Variants in FAM227A observed in about 807,000 individuals in gnomAD.
FAM227A encodes protein FAM227A.
Under a neutral mutation model 74.7 loss-of-function variants are expected in FAM227A, and 80 were observed. The ratio of observed to expected loss-of-function variants is 1.07; its 90% CI spans 0.89 to 1.29. The LOEUF is 1.29. Ranked by LOEUF, FAM227A falls within the 50% of genes most tolerant of loss-of-function variation. FAM227A has a pLI of 0.00. For synonymous variants in FAM227A, 237 were observed against 241.8 expected (o/e 0.98, Z 0.19); for missense variants, 654 against 683.4 (o/e 0.96, Z 0.48).
intron 1 of FAM227A, among the ~76,000 whole-genome samples, chr22:38,650,971 T>C (rs2092313832): frequency 6.6e-6 from 1 of 152,188 alleles, no homozygotes; most frequent in Admixed American, 6.6e-5. Flanking sequence ...GAGAAAACGT[T>C]GAGTTTGGTG....
chr22:38,645,790 T>C, intron 2 of FAM227A, 145 bp from the exon 3 acceptor site: 2 of 597,934 alleles, frequency 3.3e-6, no homozygotes, highest in South Asian at 2.2e-5. Context: ...CACATTTCTT[T>C]CTTCCTTTTT....
At chr22:38,590,866 C>T (rs886356108) in intron 16 of FAM227A, among the ~76,000 whole-genome samples, 2 of 152,004 alleles carry the variant, frequency 1.3e-5, no homozygotes, top group Non-Finnish European at 2.9e-5. Flanking sequence ...CTCACTGCAA[C>T]CTCCAGCTCC....
chr22:38,625,107 C>G (rs1236742646), intron 9 of FAM227A, among the ~76,000 whole-genome samples: 1 of 152,042 alleles, frequency 6.6e-6, no homozygotes, highest in African/African-American at 2.4e-5. Flanking sequence ...AAGCAGACAT[C>G]TGCCGGGTAT....
chr22:38,612,747 T>G (rs374088521), intron 11 of FAM227A, among the ~76,000 whole-genome samples: 24 of 152,040 alleles, frequency 1.6e-4, no homozygotes, highest in African/African-American at 5.8e-4. Flanking sequence ...CAACTGGTTT[T>G]TCAAGGAGTA....
At chr22:38,591,177 A>T (rs1342099344) in intron 16 of FAM227A, among the ~76,000 whole-genome samples, 1 of 152,094 alleles carries the variant, frequency 6.6e-6, no homozygotes, top group African/African-American at 2.4e-5. Flanking sequence ...ATAAAAAATG[A>T]GCTGGGCATG....
Position 38,618,145 on chromosome 22 carries a change from G to T in FAM227A, c.1038+2067C>A, listed in dbSNP as rs560901654. 2.0e-5 allele frequency among the ~76,000 whole-genome samples: 3 copies of T among 152,296 alleles called. No individual in the cohort carries two copies. The South Asian group carries it at 6.2e-4, about 32-fold the overall frequency. On this transcript the variant is annotated intron_variant, in intron 11 of 16. Transcript: ENST00000535113. ...GTTAGAATCTGCCATCCCAAAATAGGCCACTTTGCATAGGAATTATTTTGA... is the reference window on the plus strand; with the variant it reads ...GTTAGAATCTGCCATCCCAAAATAGTCCACTTTGCATAGGAATTATTTTGA...
At chr22:38,613,263 T>C (rs2091479424) in intron 11 of FAM227A, among the ~76,000 whole-genome samples, 1 of 84,538 alleles carries the variant, frequency 1.2e-5, no homozygotes, top group Non-Finnish European at 2.1e-5. Context: ...ACATATATTA[T>C]AACATATATT....
chr22:38,635,181 G>A (rs73415432), intron 6 of FAM227A, among the ~76,000 whole-genome samples: 6,453 of 146,868 alleles, frequency 0.044, 233 homozygotes, highest in East Asian at 0.11. Context: ...AGCTGAGATC[G>A]CGCCACTGCA....
At chr22:38,617,920 C>T (rs2091612721) in intron 11 of FAM227A, among the ~76,000 whole-genome samples, 1 of 151,956 alleles carries the variant, frequency 6.6e-6, no homozygotes, top group African/African-American at 2.4e-5. Flanking sequence ...GCACTCTGGC[C>T]TGGGCAACAG....
At position 38,599,913 on chromosome 22, in the gene FAM227A, A is replaced by AGCTTTT; in HGVS notation, c.1229_1230insAAAAGC (p.Ala410_Ala411insLysAla). 1 of 1,547,196 alleles carries AGCTTTT rather than the reference A, an allele frequency of 6.5e-7. No homozygotes were observed. On this transcript the variant is annotated inframe_insertion, in exon 14 of 17. Transcript: ENST00000535113. ...AAGTCAGCTCAGGGCTTTTGCAGGC[A>AGCTTTT]GCACACGACTAAGGATGAAAGAAAA... is the stretch of plus-strand genomic sequence containing the variant.
At chr22:38,639,982 A>G (rs1333838065) in intron 3 of FAM227A, among the ~76,000 whole-genome samples, 1 of 151,934 alleles carries the variant, frequency 6.6e-6, no homozygotes, top group Non-Finnish European at 1.5e-5. Context: ...GAAATTAAAC[A>G]AGCTATTGTT....
rs534694720 is a variant in FAM227A at position 38,632,426 on chromosome 22, G to GC, written c.520-3492dup. 4.1e-4 allele frequency among the ~76,000 whole-genome samples: 63 copies of GC among 152,014 alleles called. 2 individuals carry two copies. Among genetic ancestry groups the GC allele is most frequent in the Non-Finnish European group, 1.6e-4 (11 of 67,998 alleles). Reference sequence around the variant, plus strand: ...TTACAAAAGCAATTTCAGTCCTTTCGCCCCCTCTCTTCCATCTTCTACCAT... The same window carrying GC: ...TTACAAAAGCAATTTCAGTCCTTTCGCCCCCCTCTCTTCCATCTTCTACCAT... On this transcript the variant is annotated intron_variant, in intron 6 of 16. Transcript: ENST00000535113.
chr22:38,626,067 AAG>A (rs1219658360), intron 9 of FAM227A, 111 bp downstream of exon 9: 10 of 1,104,614 alleles, frequency 9.1e-6, no homozygotes, highest in East Asian at 2.6e-5. Context: ...AAGGAGAGAA[AAG>A]AGAGAATGCC....
At chr22:38,590,779 A>G (rs934936958) in intron 16 of FAM227A, among the ~76,000 whole-genome samples, 1 of 152,180 alleles carries the variant, frequency 6.6e-6, no homozygotes, top group Non-Finnish European at 1.5e-5. Flanking sequence ...TGAGTAATAC[A>G]TAAAAGTAAG....
rs1478992035 is a variant in FAM227A at position 38,591,533 on chromosome 22, T to G, written c.1540A>C (p.Lys514Gln). The change falls in exon 16 of 17, where the codon AAG (lysine) becomes CAG (glutamine). Residue 514 changes from lysine to glutamine, a missense_variant. Physicochemically the swap from Lys to Gln is moderately conservative, Grantham distance 53 (BLOSUM62 1). Transcript: ENST00000535113. ...TCTGCTGCTTTTGGATCAATATTCT[T>G]CATTTCCCTGGGAGGAAAACACAGA... is the stretch of plus-strand genomic sequence containing the variant. The part of the protein sequence containing the change: ...ELQDNFSREM[K>Q]NIDPKAADTK... The G allele has an allele frequency of 1.9e-6, 3 of 1,541,548 alleles. No individual in the cohort carries two copies. In the African/African-American group the frequency reaches 4.1e-5, roughly 21 times the overall value.
At chr22:38,600,339 T>A (rs866341702) in intron 13 of FAM227A, among the ~76,000 whole-genome samples, 1 of 150,398 alleles carries the variant, frequency 6.6e-6, no homozygotes, top group Non-Finnish European at 1.5e-5. Context: ...TATATAATTT[T>A]ATTTTATTTT....
At position 38,583,336 on chromosome 22, in the gene FAM227A, C is replaced by A; in HGVS notation, c.*2789G>T. On this transcript the variant is annotated 3_prime_UTR_variant, in exon 17 of 17. Transcript: ENST00000535113. ...TACAGGCACCTGCCATTGTGCCCGG[C>A]TAATTTTTTTGTATTTTTAGTAGAG... The A allele has an allele frequency of 6.0e-6, 1 of 165,452 alleles. No homozygotes were observed. The highest frequency in any genetic ancestry group is 1.8e-4 in the East Asian group (1 of 5,578). The allele number at this position is 165,452 out of a possible 1,614,324, so 10.2% of individuals were successfully genotyped here.
intron 3 of FAM227A, among the ~76,000 whole-genome samples, chr22:38,644,030 C>G (rs1017771835): frequency 2.0e-5 from 3 of 151,464 alleles, no homozygotes; most frequent in Non-Finnish European, 2.9e-5. Flanking sequence ...GCCTGTAGTT[C>G]CAGCTATCGG....
intron 1 of FAM227A, among the ~76,000 whole-genome samples, chr22:38,650,716 G>C (rs143606414): frequency 6.6e-6 from 1 of 152,076 alleles, no homozygotes; most frequent in Non-Finnish European, 1.5e-5. Context: ...TCCTCAGCGC[G>C]AGGCTCCTGA....
Sources: allele counts gnomAD v4.1 joint callset (sites outside exome capture counted in the v4.1 genomes callset), GRCh38; gene constraint gnomAD v4.1.1; transcripts MANE v1.5; gene names NCBI Gene and HGNC (gene_info 2026-07-23, HGNC 2026-07-21).